Variants in GNA12 observed in about 807,000 individuals in gnomAD.
GNA12 encodes the protein G protein subunit alpha 12, also known as guanine nucleotide-binding protein subunit alpha-12.
In GNA12, 9 loss-of-function variants were observed where a neutral mutation model predicts 26.0. The ratio of observed to expected loss-of-function variants is 0.35; its 90% CI spans 0.21 to 0.60. The LOEUF is 0.60. GNA12 is among the 20% of genes least tolerant of loss of function. The pLI is 0.78. For synonymous variants in GNA12, 264 were observed against 219.6 expected (o/e 1.20, Z -1.79); for missense variants, 405 against 525.8 (o/e 0.77, Z 2.25).
chr7:2,794,260 G>A (rs1792593608), intron 2 of GNA12, among the ~76,000 whole-genome samples: 2 of 152,336 alleles, frequency 1.3e-5, no homozygotes, highest in Non-Finnish European at 1.5e-5. Flanking sequence ...GGCTGTGAGA[G>A]TGAGAGGCAT....
At chr7:2,843,485 A>C (rs1303785365) in intron 1 of GNA12, among the ~76,000 whole-genome samples, 1 of 152,048 alleles carries the variant, frequency 6.6e-6, no homozygotes, top group Non-Finnish European at 1.5e-5. Context: ...TCTCTACAAA[A>C]AAAAACTTAA....
At chr7:2,767,441 A>C (rs1338066275) in intron 2 of GNA12, among the ~76,000 whole-genome samples, 1 of 152,248 alleles carries the variant, frequency 6.6e-6, no homozygotes, top group Non-Finnish European at 1.5e-5. Flanking sequence ...GTACTTAAAA[A>C]AAAATAGCTA....
At chr7:2,794,603 G>A in intron 2 of GNA12, 1 of 308,158 alleles carries the variant, frequency 3.2e-6, no homozygotes, top group Non-Finnish European at 6.1e-6. Flanking sequence ...CTGTTGTGGG[G>A]GGTGTTATTT....
At position 2,843,904 on chromosome 7, in the gene GNA12, G is replaced by A; in HGVS notation, c.258C>T (p.Asp86=). Residue 86 remains aspartate (D), a synonymous_variant, in exon 1 of 4, where the codon GAC becomes GAT. Transcript: ENST00000275364. ...QMRIIHGREF[D]QKALLEFRDT... is the part of the protein sequence containing the mutation. ...CGCGGAACTCCAGCAGCGCCTTCTG[G>A]TCGAACTCGCGGCCGTGGATGATGC... The A allele has an allele frequency of 6.3e-7, 1 of 1,578,830 alleles. No homozygotes were observed. Among genetic ancestry groups the A allele is most frequent in the Non-Finnish European group, 8.6e-7 (1 of 1,164,302 alleles).
Position 2,737,269 on chromosome 7 carries a change from G to GTTTTTTTTTT in GNA12, c.526-3769_526-3768insAAAAAAAAAA, listed in dbSNP as rs1317020597. Among the ~76,000 whole-genome samples, 50 of 38,120 alleles carry GTTTTTTTTTT rather than the reference G, an allele frequency of 1.3e-3. 8 individuals carry two copies. The highest frequency in any genetic ancestry group is 2.0e-3 in the East Asian group (2 of 1,004). 25.0% of individuals were successfully genotyped at this position (38,120 alleles called of 152,430 possible). A position where few individuals can be genotyped will look rare whatever the true frequency, so the allele number is the denominator to read the frequency against. On this transcript the variant is annotated intron_variant, in intron 2 of 3. Transcript: ENST00000275364. ...CATTCAGGAGCTATCTCACAGTTTT[G>GTTTTTTTTTT]TTTTGTTTTTTTTTTTTTTGTTTTT...
intron 2 of GNA12, among the ~76,000 whole-genome samples, chr7:2,745,901 C>T (rs1338764923): frequency 6.6e-6 from 1 of 152,224 alleles, no homozygotes; most frequent in East Asian, 1.9e-4. Context: ...TTTAAACCAA[C>T]AAAGATCAAA....
At chr7:2,733,296 G>A (rs1789992766) in intron 3 of GNA12, among the ~76,000 whole-genome samples, 155 bp downstream of exon 3, 1 of 152,198 alleles carries the variant, frequency 6.6e-6, no homozygotes, top group Non-Finnish European at 1.5e-5. Context: ...AGATCCAAGT[G>A]AGAGCGTGCC....
chr7:2,792,498 C>T (rs1792544898), intron 2 of GNA12, among the ~76,000 whole-genome samples: 1 of 152,242 alleles, frequency 6.6e-6, no homozygotes, highest in Non-Finnish European at 1.5e-5. Context: ...AGAAGCCTCA[C>T]TCAGTACGAT....
chr7:2,839,239 TTTC>T (rs1778922171), intron 1 of GNA12, among the ~76,000 whole-genome samples: 1 of 139,658 alleles, frequency 7.2e-6, no homozygotes, highest in African/African-American at 2.5e-5. Flanking sequence ...AGGAAAATCT[TTTC>T]TTTTTTTTTG....
chr7:2,747,812 C>G (rs1790841337), intron 2 of GNA12, among the ~76,000 whole-genome samples: 1 of 151,920 alleles, frequency 6.6e-6, no homozygotes, highest in African/African-American at 2.4e-5. Context: ...AGCTGATAAG[C>G]AACTTCAGGA....
rs71026564 is a variant in GNA12 at position 2,818,759 on chromosome 7, G to GAAAA, written c.310-23620_310-23617dup. ...GCGTGGGTGACAGAGACCCTAACTTGAAAAAAAAAAAAAAAAGCAAAGGAC... is the reference window on the plus strand; with the variant it reads ...GCGTGGGTGACAGAGACCCTAACTTGAAAAAAAAAAAAAAAAAAAAGCAAAGGAC... On this transcript the variant is annotated intron_variant, in intron 1 of 3. Coordinates refer to ENST00000275364, the MANE Select transcript of GNA12 (RefSeq NM_007353.3). Among the ~76,000 whole-genome samples, 981 of 114,698 alleles carry GAAAA rather than the reference G, an allele frequency of 8.6e-3. 9 individuals carry two copies. Among genetic ancestry groups the GAAAA allele is most frequent in the African/African-American group, 0.031 (920 of 29,340 alleles). 75.2% of individuals were successfully genotyped at this position (114,698 alleles called of 152,430 possible).
rs535241190 is a variant in GNA12, at chr7:2,828,115, A to G, written c.309+15738T>C. 2.6e-5 allele frequency among the ~76,000 whole-genome samples: 4 copies of G among 152,326 alleles called. No homozygotes were observed. The East Asian group carries it at 5.8e-4, about 22-fold the overall frequency. On this transcript the variant is annotated intron_variant, in intron 1 of 3. Coordinates refer to ENST00000275364, the MANE Select transcript of GNA12 (RefSeq NM_007353.3). Reference sequence around the variant, plus strand: ...GAAGATGTTGTGGTCTCCTTGGCAGATATTTACACATTCTAAAAATATTCA... The same window carrying G: ...GAAGATGTTGTGGTCTCCTTGGCAGGTATTTACACATTCTAAAAATATTCA...
chr7:2,841,947 C>T (rs1452710645), intron 1 of GNA12, among the ~76,000 whole-genome samples: 1 of 148,574 alleles, frequency 6.7e-6, no homozygotes, highest in African/African-American at 2.5e-5. Flanking sequence ...AACTTGGTTT[C>T]CCCAAAATGG....
chr7:2,794,533 C>T (rs959927098), intron 2 of GNA12, among the ~76,000 whole-genome samples: 1 of 152,054 alleles, frequency 6.6e-6, no homozygotes, highest in Non-Finnish European at 1.5e-5. Context: ...GATTTGCTTC[C>T]GAGGCGCTGA....
At chr7:2,809,218 C>T (rs1793019967) in intron 1 of GNA12, among the ~76,000 whole-genome samples, 1 of 152,144 alleles carries the variant, frequency 6.6e-6, no homozygotes, top group African/African-American at 2.4e-5. Flanking sequence ...TGTTCACACC[C>T]GTGTCCCCAG....
At chr7:2,834,126 G>A (rs1778761595) in intron 1 of GNA12, among the ~76,000 whole-genome samples, 1 of 152,210 alleles carries the variant, frequency 6.6e-6, no homozygotes, top group African/African-American at 2.4e-5. Context: ...TGCTGCGACT[G>A]CAGTCCAAAG....
At chr7:2,748,060 A>C (rs1790853525) in intron 2 of GNA12, among the ~76,000 whole-genome samples, 1 of 150,696 alleles carries the variant, frequency 6.6e-6, no homozygotes, top group Non-Finnish European at 1.5e-5. Context: ...GGAAGAATCG[A>C]TATCATGAAA....
At position 2,746,376 on chromosome 7, in the gene GNA12, G is replaced by A. The variant is rs188698712; in HGVS notation, c.526-12875C>T. 1.9e-3 allele frequency among the ~76,000 whole-genome samples: 288 copies of A among 152,098 alleles called. 3 individuals carry two copies. Among genetic ancestry groups the A allele is most frequent in the African/African-American group, 6.3e-3 (263 of 41,484 alleles). On this transcript the variant is annotated intron_variant, in intron 2 of 3. Coordinates refer to ENST00000275364, the MANE Select transcript of GNA12 (RefSeq NM_007353.3). Reference sequence around the variant, plus strand: ...AACTCAGGATTAAGAAATCAAAACCGCTCAACTACATGGAAACTGAACAAC... The same window carrying A: ...AACTCAGGATTAAGAAATCAAAACCACTCAACTACATGGAAACTGAACAAC...
chr7:2,773,531 C>T (rs1036877325), intron 2 of GNA12, among the ~76,000 whole-genome samples: 5 of 152,194 alleles, frequency 3.3e-5, no homozygotes, highest in Non-Finnish European at 5.9e-5. Flanking sequence ...CACTGCACTC[C>T]AGCCAGGGCG....
Sources: gnomAD v4.1 joint callset for allele counts (sites outside exome capture counted in the v4.1 genomes callset) on GRCh38, gnomAD v4.1.1 for gene constraint, MANE v1.5 for transcripts, NCBI Gene and HGNC (gene_info 2026-07-23, HGNC 2026-07-21) for gene names.